PHF19: variants seen among roughly 807,000 people sequenced by gnomAD.
PHF19 encodes the protein polycomb like 3.
Under a neutral mutation model 79.8 loss-of-function variants are expected in PHF19, and 21 were observed. The ratio of observed to expected loss-of-function variants is 0.26; its 90% confidence interval spans 0.19 to 0.38. PHF19 has a LOEUF of 0.38. Ranked by LOEUF, PHF19 falls within the 10% of genes least tolerant of loss-of-function variation. PHF19 has a pLI of 1.00. For synonymous variants in PHF19, 273 were observed against 296.3 expected (o/e 0.92, Z 0.81); for missense variants, 445 against 744.2 (o/e 0.60, Z 4.68).
chr9:120,869,941 G>T lies in PHF19; in HGVS notation c.369C>A (p.Tyr123Ter). The T allele has an allele frequency of 6.4e-7, 1 of 1,573,624 alleles. No homozygotes were observed. The change falls in exon 5 of 15, where the codon TAC (tyrosine) becomes TAA (stop). Residue 123 changes from tyrosine (Y) to a stop codon, truncating the protein, a stop_gained. Transcript: ENST00000373896. LOFTEE classifies it high-confidence loss of function. The surrounding 1 kb of genome is among the most constrained non-coding windows in gnomAD (Gnocchi z 5.8). ...CTATGGGGATGTGGCACTGCTGGTG[G>T]TAACCTACGGCAGAGGAGGGGGCGG... ...ILICGKCGLGYHQQCHIPIAG... is the reference protein window; with the variant it reads ...ILICGKCGLG
chr9:120,868,098 G>A (rs890925102), intron 6 of PHF19, among the ~76,000 whole-genome samples: 12 of 151,566 alleles, frequency 7.9e-5, no homozygotes, highest in Admixed American at 2.0e-4. Context: ...AGACAGGGTC[G>A]TCCTGCTTTG....
chr9:120,869,436 G>A lies in PHF19; in HGVS notation c.466-106C>T. 7.3e-7 allele frequency: 1 copy of A among 1,370,478 alleles called. No homozygotes were observed. Among genetic ancestry groups the A allele is most frequent in the East Asian group, 2.4e-5 (1 of 40,866 alleles). The allele number at this position is 1,370,478 out of a possible 1,614,324, so 84.9% of individuals were successfully genotyped here. A position where few individuals can be genotyped will look rare whatever the true frequency, so the allele number is the denominator to read the frequency against. On this transcript the variant is annotated intron_variant, in intron 5 of 14. Coordinates refer to ENST00000373896, the MANE Select transcript of PHF19 (RefSeq NM_015651.3). The surrounding 1 kb of genome is among the most constrained non-coding windows in gnomAD (Gnocchi z 5.8). ...AGTGCTGCCAGGGCTTGGGGGACCC[G>A]CAGATATTCCAATATAGTCAGAAAA...
intron 12 of PHF19, 44 bp downstream of exon 12, chr9:120,861,874 G>C: frequency 7.4e-7 from 1 of 1,348,922 alleles, no homozygotes; most frequent in Non-Finnish European, 1.1e-6. Context: ...AATATGTGCT[G>C]ACCCTGCGTA....
At chr9:120,875,694 G>C (rs1032897371) in intron 1 of PHF19, among the ~76,000 whole-genome samples, 1 of 152,120 alleles carries the variant, frequency 6.6e-6, no homozygotes, top group Non-Finnish European at 1.5e-5. Context: ...ACCTCCACTA[G>C]GCACCTAGGG....
rs2045912428 is a variant in PHF19, at chr9:120,872,037, C to CAAAAAAAAAGAAA, written c.269-1500_269-1499insTTTCTTTTTTTTT. On this transcript the variant is annotated intron_variant, in intron 3 of 14. Coordinates refer to ENST00000373896, the MANE Select transcript of PHF19 (RefSeq NM_015651.3). ...TGGGTGACAGAGCAAGACTCTGTCT[C>CAAAAAAAAAGAAA]AAAAAAAAAAAAAAAAAAAAAAAAA... Among the ~76,000 whole-genome samples, 48 of 30,324 alleles carry CAAAAAAAAAGAAA rather than the reference C, an allele frequency of 1.6e-3. 1 individual carries two copies. The highest frequency in any genetic ancestry group is 2.4e-3 in the Admixed American group (4 of 1,672). The allele number at this position is 30,324 out of a possible 152,430, so 19.9% of individuals were successfully genotyped here.
chr9:120,870,292 C>A lies in PHF19; in HGVS notation c.364+151G>T. 1.5e-6 allele frequency: 1 copy of A among 669,436 alleles called. No homozygotes were observed. Among genetic ancestry groups the A allele is most frequent in the Non-Finnish European group, 2.7e-6 (1 of 375,122 alleles). The allele number at this position is 669,436 out of a possible 1,614,324, so 41.5% of individuals were successfully genotyped here. ...CCCAGGATCTCTTCCCAAGCCCTCACTTACAGCAACTGGCCCCCTTTCACC... is the reference window on the plus strand; with the variant it reads ...CCCAGGATCTCTTCCCAAGCCCTCAATTACAGCAACTGGCCCCCTTTCACC... On this transcript the variant is annotated intron_variant, in intron 4 of 14. Coordinates refer to ENST00000373896, the MANE Select transcript of PHF19 (RefSeq NM_015651.3). The surrounding 1 kb of genome is among the most constrained non-coding windows in gnomAD (Gnocchi z 4.4).
intron 3 of PHF19, among the ~76,000 whole-genome samples, chr9:120,873,729 A>G (rs1191024308): frequency 1.3e-5 from 2 of 152,200 alleles, no homozygotes; most frequent in African/African-American, 4.8e-5. Flanking sequence ...GCACCTCCCT[A>G]AGCTACCTTC....
rs897187089 is a variant in PHF19, at chr9:120,858,153, G to A, written c.1534C>T (p.Arg512Trp). Residue 512 changes from arginine (R) to tryptophan (W), a missense_variant, in exon 15 of 15, where the codon CGG becomes TGG. Physicochemically the swap from Arg to Trp is moderately radical, Grantham distance 101 (BLOSUM62 -3). Around this residue, in one of 5 missense-constraint regions of PHF19, gnomAD observed 125 missense variants for 180.5 expected, o/e 0.69. Transcript: ENST00000373896. ...TGGCTGTCAATGCCTTCGTCTGGCC[G>A]CTCGGGGACTGAAGCCCCCTCTGCA... The part of the protein sequence containing the change: ...SSAEGASVPE[R>W]PDEGIDSHTF... 5 of 1,613,288 alleles carry A rather than the reference G, an allele frequency of 3.1e-6. No individual in the cohort carries two copies. The highest frequency in any genetic ancestry group is 2.2e-5 in the East Asian group (1 of 44,844).
intron 9 of PHF19, among the ~76,000 whole-genome samples, chr9:120,865,019 A>AT (rs1311452206): frequency 3.3e-5 from 5 of 152,186 alleles, no homozygotes; most frequent in Non-Finnish European, 7.3e-5. Flanking sequence ...TATAATATCT[A>AT]TTTTTTTAAA....
chr9:120,877,590 A>G (rs888190179), upstream of PHF19, among the ~76,000 whole-genome samples: 2 of 152,110 alleles, frequency 1.3e-5, no homozygotes, highest in Non-Finnish European at 2.9e-5. Flanking sequence ...TTGAGGAAAC[A>G]CAGCTCTGCG....
intron 1 of PHF19, among the ~76,000 whole-genome samples, chr9:120,889,815 A>AG (rs1564518990): frequency 3.0e-5 from 3 of 100,686 alleles, no homozygotes; most frequent in Admixed American, 1.0e-4. Context: ...AAGAAAGAGA[A>AG]AGAAAAAAGA....
intron 6 of PHF19, 45 bp from the exon 7 acceptor site, chr9:120,867,010 G>T: frequency 8.7e-7 from 1 of 1,155,244 alleles, no homozygotes; most frequent in Non-Finnish European, 1.3e-6. Context: ...CACACCCCCA[G>T]TCAGGTATGA....
intron 1 of PHF19, chr9:120,876,404 C>T (rs1412816813): frequency 6.6e-6 from 1 of 151,974 alleles, no homozygotes; most frequent in Non-Finnish European, 1.5e-5. Context: ...CCGGCCGGGT[C>T]GCCGCACCCG....
In PHF19 at chr9:120,860,943, G is replaced by A; in HGVS notation, c.1304+146C>T. The A allele has an allele frequency of 1.6e-6, 1 of 638,540 alleles. No homozygotes were observed. The highest frequency in any genetic ancestry group is 1.7e-5 in the South Asian group (1 of 58,762). The allele number at this position is 638,540 out of a possible 1,614,324, so 39.6% of individuals were successfully genotyped here. On this transcript the variant is annotated intron_variant, in intron 13 of 14. Coordinates refer to ENST00000373896, the MANE Select transcript of PHF19 (RefSeq NM_015651.3). The surrounding 1 kb of genome is among the most constrained non-coding windows in gnomAD (Gnocchi z 4.1). The stretch of plus-strand genomic sequence containing the variant: ...GGAGGGCTGTGGTGCTCTGGGAACA[G>A]GGATGTTATGCTGAAAGCTCTACTG...
chr9:120,867,824 G>T (rs531029525), intron 6 of PHF19, among the ~76,000 whole-genome samples: 190 of 152,312 alleles, frequency 1.2e-3, no homozygotes, highest in Non-Finnish European at 1.6e-3. Context: ...GGTCCTGACG[G>T]CTGAACTTCC....
chr9:120,859,508 C>T (rs1386858600), intron 14 of PHF19, among the ~76,000 whole-genome samples: 1 of 152,132 alleles, frequency 6.6e-6, no homozygotes, highest in South Asian at 2.1e-4. Context: ...GCCCTGTGCT[C>T]GACCACTCCC....
chr9:120,897,947 C>A (rs2046415221), upstream of PHF19, among the ~76,000 whole-genome samples: 2 of 145,768 alleles, frequency 1.4e-5, no homozygotes, highest in African/African-American at 5.1e-5. Context: ...TCACTGCACT[C>A]CAGCCTGGGC....
intron 10 of PHF19, among the ~76,000 whole-genome samples, chr9:120,863,444 A>G (rs1285842103): frequency 6.6e-6 from 1 of 152,128 alleles, no homozygotes; most frequent in Non-Finnish European, 1.5e-5. Flanking sequence ...GATGGAACGA[A>G]TGAGTAAAAA....
At position 120,869,530 on chromosome 9, in the gene PHF19, G is replaced by T. The variant is rs1480279363; in HGVS notation, c.466-200C>A. On this transcript the variant is annotated intron_variant, in intron 5 of 14. Coordinates refer to ENST00000373896, the MANE Select transcript of PHF19 (RefSeq NM_015651.3). The surrounding 1 kb of genome is among the most constrained non-coding windows in gnomAD (Gnocchi z 5.8). ...CCCAGAAGGAACTCCGTTGATAACAGAATTAAGAGTAATAAGCGCAATAAA... is the reference window on the plus strand; with the variant it reads ...CCCAGAAGGAACTCCGTTGATAACATAATTAAGAGTAATAAGCGCAATAAA... The T allele has an allele frequency of 7.1e-7, 1 of 1,405,970 alleles. No individual in the cohort carries two copies. The highest frequency in any genetic ancestry group is 9.4e-7 in the Non-Finnish European group (1 of 1,067,788). The allele number at this position is 1,405,970 out of a possible 1,614,324, so 87.1% of individuals were successfully genotyped here.
Sources: gnomAD v4.1 joint callset for allele counts (sites outside exome capture counted in the v4.1 genomes callset) on GRCh38, gnomAD v4.1.1 for gene constraint, gnomAD v4.1.1 regional missense constraint, Gnocchi (gnomAD v3.1) non-coding constraint, MANE v1.5 for transcripts, NCBI Gene and HGNC (gene_info 2026-07-23, HGNC 2026-07-21) for gene names.